Variants in PIEZO2 observed in about 807,000 individuals in gnomAD.
PIEZO2 encodes piezo-type mechanosensitive ion channel component 2.
In PIEZO2, 172 loss-of-function variants were observed where a neutral mutation model predicts 337.3. The ratio of observed to expected loss-of-function variants is 0.51; its 90% confidence interval spans 0.45 to 0.58. The LOEUF (loss-of-function observed/expected upper bound fraction) is 0.58, where lower values mean the gene tolerates loss of function less well. Among genes scored for constraint, PIEZO2 ranks in the 20% least tolerant of loss-of-function variants. The pLI is 0.00. For missense variants in PIEZO2, 3,028 were observed against 3,391.3 expected, an observed-to-expected ratio of 0.89 and a Z score of 2.66; for synonymous variants, 1,251 against 1,228.5, an observed-to-expected ratio of 1.02 and a Z score of -0.38.
chr18:10,827,857 G>A (rs544939810), intron 7 of PIEZO2, among the ~76,000 whole-genome samples: 1 of 152,276 alleles, frequency 6.6e-6, no homozygotes, highest in South Asian at 2.1e-4. Context: ...TTCTTGATGT[G>A]TAGCTGTTGA....
chr18:10,857,942 C>A (rs1294668543), intron 5 of PIEZO2, among the ~76,000 whole-genome samples: 1 of 150,466 alleles, frequency 6.6e-6, no homozygotes, highest in Admixed American at 6.6e-5. Context: ...GGGAAAAATT[C>A]TTTGGCTAAT....
At position 11,126,512 on chromosome 18, in the gene PIEZO2, T is replaced by C. The variant is rs982608284; in HGVS notation, c.64+22013A>G. ...CATCTCCCGCCATCATTCAAAATACTCCAAGGCCCACGTGATCTGATGAAT... is the reference window on the plus strand; with the variant it reads ...CATCTCCCGCCATCATTCAAAATACCCCAAGGCCCACGTGATCTGATGAAT... On this transcript the variant is annotated intron_variant, in intron 1 of 55. Coordinates refer to ENST00000674853, the MANE Select transcript of PIEZO2 (RefSeq NM_001378183.1). This position sits in a 1 kb window ranked among gnomAD's most constrained non-coding sequence, Gnocchi z 4.6. Among the ~76,000 whole-genome samples the C allele has an allele frequency of 3.3e-5, 5 of 152,130 alleles. No individual in the cohort carries two copies. The highest frequency in any genetic ancestry group is 7.4e-5 in the Non-Finnish European group (5 of 68,026).
chr18:10,679,673 T>A (rs901213865), intron 52 of PIEZO2, among the ~76,000 whole-genome samples: 2 of 152,224 alleles, frequency 1.3e-5, no homozygotes, highest in Non-Finnish European at 2.9e-5. Flanking sequence ...CATAATTCAC[T>A]TCCTTTTCCA....
rs1026757661 is a variant in PIEZO2 at position 10,763,222 on chromosome 18, C to T, written c.2947-124G>A. The T allele has an allele frequency of 1.5e-4, 149 of 986,740 alleles. No homozygotes were observed. The East Asian group carries it at 1.6e-3, about 11-fold the overall frequency. 61.1% of individuals were successfully genotyped at this position (986,740 alleles called of 1,614,324 possible). A position where few individuals can be genotyped will look rare whatever the true frequency, so the allele number is the denominator to read the frequency against. On this transcript the variant is annotated intron_variant, in intron 21 of 55. Transcript: ENST00000674853. ...AAAAGCAGACTGGATTCCTAGCATGCGCAAGGAATTGCCCTAGGTGCTGGG... is the reference window on the plus strand; with the variant it reads ...AAAAGCAGACTGGATTCCTAGCATGTGCAAGGAATTGCCCTAGGTGCTGGG...
rs538935395 is a variant in PIEZO2, at chr18:10,834,127, A to G, written c.917+21226T>C. ...GGTAAGTGGGGTGTCCATCACCTAC[A>G]GCGTTGATCAGTTCCTTGTGTTAGG... On this transcript the variant is annotated intron_variant, in intron 7 of 55. Transcript: ENST00000674853. This position sits in a 1 kb window ranked among gnomAD's most constrained non-coding sequence, Gnocchi z 4.5. Among the ~76,000 whole-genome samples the G allele has an allele frequency of 6.6e-6, 1 of 152,254 alleles. No individual in the cohort carries two copies. Among genetic ancestry groups the G allele is most frequent in the East Asian group, 1.9e-4 (1 of 5,202 alleles).
At chr18:10,970,838 A>G (rs1471724891) in intron 3 of PIEZO2, among the ~76,000 whole-genome samples, 2 of 152,196 alleles carry the variant, frequency 1.3e-5, no homozygotes, top group African/African-American at 4.8e-5. Flanking sequence ...AAGGTAGGGA[A>G]GGAAGCTCTG....
chr18:11,095,004 G>T (rs920772969), intron 1 of PIEZO2, among the ~76,000 whole-genome samples: 1 of 152,338 alleles, frequency 6.6e-6, no homozygotes, highest in African/African-American at 2.4e-5. Context: ...CAAGTGTGGG[G>T]GTGGAAGGAG....
intron 3 of PIEZO2, among the ~76,000 whole-genome samples, chr18:10,916,621 C>T (rs549002906): frequency 4.4e-4 from 67 of 152,276 alleles, no homozygotes; most frequent in African/African-American, 1.5e-3. Flanking sequence ...TCGCGTCGGC[C>T]GGCGAGTGCA....
chr18:10,690,784 G>A (rs2034783581), intron 48 of PIEZO2, among the ~76,000 whole-genome samples: 1 of 152,206 alleles, frequency 6.6e-6, no homozygotes, highest in Admixed American at 6.5e-5. Flanking sequence ...ATGGCATTCA[G>A]GTTGGTGTTA....
chr18:10,674,308 G>T (rs1226912518), intron 54 of PIEZO2, among the ~76,000 whole-genome samples: 1 of 152,238 alleles, frequency 6.6e-6, no homozygotes, highest in Non-Finnish European at 1.5e-5. Context: ...ACTGATTGTT[G>T]AGCAATCTGC....
At chr18:10,681,913 C>T (rs917598955) in intron 50 of PIEZO2, among the ~76,000 whole-genome samples, 160 bp from the exon 51 acceptor site, 2 of 151,180 alleles carry the variant, frequency 1.3e-5, no homozygotes, top group Non-Finnish European at 2.9e-5. Flanking sequence ...TGATTATTCC[C>T]GTGCTCAAGA....
At chr18:10,906,153 T>G (rs2029903880) in intron 4 of PIEZO2, among the ~76,000 whole-genome samples, 1 of 152,198 alleles carries the variant, frequency 6.6e-6, no homozygotes, top group South Asian at 2.1e-4. Context: ...TAGGGATATT[T>G]GTTATCTCAT....
At position 10,774,142 on chromosome 18, in the gene PIEZO2, G is replaced by A. The variant is rs952762567; in HGVS notation, c.2535-104C>T. 5.9e-6 allele frequency: 4 copies of A among 680,968 alleles called. No homozygotes were observed. The Admixed American group carries it at 8.4e-5, about 14-fold the overall frequency. 42.2% of individuals were successfully genotyped at this position (680,968 alleles called of 1,614,324 possible). A position where few individuals can be genotyped will look rare whatever the true frequency, so the allele number is the denominator to read the frequency against. On this transcript the variant is annotated intron_variant, in intron 18 of 55. Coordinates refer to ENST00000674853, the MANE Select transcript of PIEZO2 (RefSeq NM_001378183.1). ...ATCATGCTACATATCATCCACTATT[G>A]CATTCCTGTATGCCTGTTGCAGTAA... is the stretch of plus-strand genomic sequence containing the variant.
Position 10,677,742 on chromosome 18 carries a change from C to T in PIEZO2, c.8081+5G>A. On this transcript the variant is annotated splice_donor_5th_base_variant and intron_variant, in intron 53 of 55. Transcript: ENST00000674853. This position sits in a 1 kb window ranked among gnomAD's most constrained non-coding sequence, Gnocchi z 4.1. ...AGCTCTATTAGTAGGAAAAAATACA[C>T]TTACACTGGTGTTTTTGAACTTTCT... 6.2e-7 allele frequency: 1 copy of T among 1,608,180 alleles called. No homozygotes were observed. Among genetic ancestry groups the T allele is most frequent in the Non-Finnish European group, 8.5e-7 (1 of 1,178,678 alleles).
At position 11,104,701 on chromosome 18, in the gene PIEZO2, C is replaced by G. The variant is rs888126280; in HGVS notation, c.65-38479G>C. 4.6e-5 allele frequency among the ~76,000 whole-genome samples: 7 copies of G among 152,306 alleles called. No individual in the cohort carries two copies. Among genetic ancestry groups the G allele is most frequent in the Non-Finnish European group, 1.0e-4 (7 of 68,028 alleles). ...TCTGTGGCCCGGCTGAGCCAAGATG[C>G]CATGAACATGCAGGGCAGGCAAGAA... On this transcript the variant is annotated intron_variant, in intron 1 of 55. Coordinates refer to ENST00000674853, the MANE Select transcript of PIEZO2 (RefSeq NM_001378183.1). This position sits in a 1 kb window ranked among gnomAD's most constrained non-coding sequence, Gnocchi z 4.6.
intron 4 of PIEZO2, among the ~76,000 whole-genome samples, chr18:10,893,893 T>C (rs2042823206): frequency 6.6e-6 from 1 of 152,222 alleles, no homozygotes; most frequent in African/African-American, 2.4e-5. Context: ...TTCCTCCTGA[T>C]ACCCAGGTGC....
chr18:10,817,060 G>A (rs2040385808), intron 7 of PIEZO2, among the ~76,000 whole-genome samples: 1 of 152,118 alleles, frequency 6.6e-6, no homozygotes, highest in South Asian at 2.1e-4. Flanking sequence ...AATACCTACT[G>A]AATGAAAATC....
rs1335640722 is a variant in PIEZO2 at position 10,699,193 on chromosome 18, C to T, written c.6442-16G>A. On this transcript the variant is annotated splice_polypyrimidine_tract_variant and intron_variant, in intron 43 of 55. Coordinates refer to ENST00000674853, the MANE Select transcript of PIEZO2 (RefSeq NM_001378183.1). Reference sequence around the variant, plus strand: ...AGCCATGGCACTGAGAAAGCAGGGACAGGGACAAATGAGGCTACTGTTTCA... The same window carrying T: ...AGCCATGGCACTGAGAAAGCAGGGATAGGGACAAATGAGGCTACTGTTTCA... 1.3e-6 allele frequency: 2 copies of T among 1,537,168 alleles called. No individual in the cohort carries two copies. The highest frequency in any genetic ancestry group is 3.9e-5 in the Admixed American group (2 of 50,966).
At chr18:10,939,053 C>T (rs2032566735) in intron 3 of PIEZO2, among the ~76,000 whole-genome samples, 1 of 148,220 alleles carries the variant, frequency 6.7e-6, no homozygotes, top group African/African-American at 2.5e-5. Flanking sequence ...ATGTCACTGA[C>T]TCTGTCTCAA....
Sources: allele counts gnomAD v4.1 joint callset (sites outside exome capture counted in the v4.1 genomes callset), GRCh38; gene constraint gnomAD v4.1.1; non-coding constraint Gnocchi (gnomAD v3.1); transcripts MANE v1.5; gene names NCBI Gene and HGNC (gene_info 2026-07-23, HGNC 2026-07-21).